Variants in GNA12 observed in about 807,000 individuals in gnomAD.
GNA12 encodes the protein guanine nucleotide-binding protein subunit alpha-12.
In GNA12, 9 loss-of-function variants were observed where a neutral mutation model predicts 26.0. The observed-to-expected ratio is 0.35, with a 90% CI of 0.21 to 0.60. GNA12 has a LOEUF of 0.60. Ranked by LOEUF, GNA12 falls within the 20% of genes least tolerant of loss-of-function variation. The pLI is 0.78. For synonymous variants in GNA12, 264 were observed against 219.6 expected, an observed-to-expected ratio of 1.20 and a Z score of -1.79; for missense variants, 405 against 525.8, an observed-to-expected ratio of 0.77 and a Z score of 2.25.
chr7:2,807,680 G>A (rs979090925), intron 1 of GNA12, among the ~76,000 whole-genome samples: 14 of 151,810 alleles, frequency 9.2e-5, no homozygotes, highest in African/African-American at 4.8e-5. Context: ...TCAAACTTGC[G>A]ATAAGACCAA....
intron 2 of GNA12, among the ~76,000 whole-genome samples, chr7:2,742,438 GGTCT>G (rs1790555419): frequency 6.6e-6 from 1 of 152,098 alleles, no homozygotes; most frequent in African/African-American, 2.4e-5. Flanking sequence ...CATGCTTGCT[GGTCT>G]GTGAGTGACA....
chr7:2,790,759 A>C (rs543247782), intron 2 of GNA12, among the ~76,000 whole-genome samples: 2 of 152,352 alleles, frequency 1.3e-5, no homozygotes, highest in Admixed American at 1.3e-4. Context: ...GCTAGAGCCC[A>C]GGAGTTTGAG....
chr7:2,810,507 C>T (rs533604535), intron 1 of GNA12, among the ~76,000 whole-genome samples: 4 of 152,230 alleles, frequency 2.6e-5, no homozygotes, highest in Non-Finnish European at 5.9e-5. Flanking sequence ...AAAAACCATG[C>T]TACAGCCTTT....
intron 1 of GNA12, among the ~76,000 whole-genome samples, chr7:2,797,571 C>A (rs80149254): frequency 0.021 from 3,255 of 152,000 alleles, 138 homozygotes; most frequent in African/African-American, 0.075. Flanking sequence ...ATCTTCATTT[C>A]TGACACCCAG....
intron 1 of GNA12, among the ~76,000 whole-genome samples, chr7:2,798,519 A>G (rs1053294140): frequency 2.0e-5 from 3 of 152,228 alleles, no homozygotes; most frequent in Admixed American, 2.0e-4. Context: ...TGAGGAAAGA[A>G]ATTTTCAAAA....
At chr7:2,785,981 C>T (rs536162738) in intron 2 of GNA12, among the ~76,000 whole-genome samples, 90 of 152,320 alleles carry the variant, frequency 5.9e-4, no homozygotes, top group Middle Eastern at 6.8e-3. Flanking sequence ...GCAGGACAAT[C>T]GCTTGAACCC....
intron 1 of GNA12, among the ~76,000 whole-genome samples, chr7:2,822,240 A>G (rs902511382): frequency 2.0e-5 from 3 of 152,182 alleles, no homozygotes; most frequent in African/African-American, 7.2e-5. Context: ...TCAACCATAC[A>G]GCGGCAGCGA....
At chr7:2,805,384 C>T (rs1223068276) in intron 1 of GNA12, among the ~76,000 whole-genome samples, 2 of 152,176 alleles carry the variant, frequency 1.3e-5, no homozygotes, top group Non-Finnish European at 2.9e-5. Context: ...CAAGCCTGAC[C>T]GATTTAGTTT....
At chr7:2,763,880 G>T (rs900505227) in intron 2 of GNA12, among the ~76,000 whole-genome samples, 4 of 152,214 alleles carry the variant, frequency 2.6e-5, no homozygotes, top group African/African-American at 9.6e-5. Flanking sequence ...GGGAGACGGA[G>T]AGAGAAGGAG....
intron 1 of GNA12, chr7:2,835,776 T>G: frequency 1.4e-6 from 1 of 734,690 alleles, no homozygotes; most frequent in Admixed American, 1.9e-5. Flanking sequence ...ACGTAGAAGA[T>G]GCTCGTGACG....
At chr7:2,744,269 C>A (rs558809902) in intron 2 of GNA12, among the ~76,000 whole-genome samples, 27 of 152,220 alleles carry the variant, frequency 1.8e-4, no homozygotes, top group Non-Finnish European at 8.8e-5. Context: ...AGGCACCCCC[C>A]AGTAGGGGCG....
intron 2 of GNA12, among the ~76,000 whole-genome samples, chr7:2,778,506 G>T (rs1248142605): frequency 2.0e-5 from 3 of 152,222 alleles, no homozygotes; most frequent in African/African-American, 7.2e-5. Context: ...TAGAGCTGGA[G>T]GCTAAATTGT....
At chr7:2,814,014 G>A (rs1207124891) in intron 1 of GNA12, among the ~76,000 whole-genome samples, 6 of 152,092 alleles carry the variant, frequency 3.9e-5, no homozygotes, top group African/African-American at 9.7e-5. Flanking sequence ...CTGCCTCGCC[G>A]CCGGAGCTTG....
chr7:2,792,513 C>G (rs903787667), intron 2 of GNA12, among the ~76,000 whole-genome samples: 3 of 152,226 alleles, frequency 2.0e-5, no homozygotes, highest in African/African-American at 7.2e-5. Context: ...TACGATCAGC[C>G]CCAGACACTT....
At position 2,728,950 on chromosome 7, in the gene GNA12, G is replaced by A. The variant is rs894478400; in HGVS notation, c.*2231C>T. On this transcript the variant is annotated 3_prime_UTR_variant, in exon 4 of 4. Coordinates refer to ENST00000275364, the MANE Select transcript of GNA12 (RefSeq NM_007353.3). The stretch of plus-strand genomic sequence containing the variant: ...CCCGCGCCGGGGGCCATCCCCCTGC[G>A]CTTTCTATCGAGTTAAACGGACCCC... The A allele has an allele frequency of 2.6e-5, 4 of 152,384 alleles. No individual in the cohort carries two copies. Among genetic ancestry groups the A allele is most frequent in the African/African-American group, 4.8e-5 (2 of 41,462 alleles). 9.4% of individuals were successfully genotyped at this position (152,384 alleles called of 1,614,324 possible). A position where few individuals can be genotyped will look rare whatever the true frequency, so the allele number is the denominator to read the frequency against.
intron 2 of GNA12, among the ~76,000 whole-genome samples, chr7:2,749,668 A>G (rs1459629530): frequency 6.6e-6 from 1 of 152,172 alleles, no homozygotes; most frequent in Non-Finnish European, 1.5e-5. Context: ...TAATAATAAT[A>G]AAATAAAAAA....
intron 1 of GNA12, among the ~76,000 whole-genome samples, chr7:2,800,002 C>A (rs1332735080): frequency 6.6e-6 from 1 of 152,224 alleles, no homozygotes; most frequent in African/African-American, 2.4e-5. Flanking sequence ...AACTCCCATA[C>A]AGCCTAGCAG....
At chr7:2,766,522 A>C (rs542325284) in intron 2 of GNA12, among the ~76,000 whole-genome samples, 1 of 151,822 alleles carries the variant, frequency 6.6e-6, no homozygotes. Context: ...AGTAGCTAGG[A>C]TTACAGGCAC....
At chr7:2,835,127 G>A (rs567270397) in intron 1 of GNA12, among the ~76,000 whole-genome samples, 1 of 152,262 alleles carries the variant, frequency 6.6e-6, no homozygotes, top group South Asian at 2.1e-4. Context: ...ACTTCTAACT[G>A]GATGTGAAAT....
Sources: allele counts gnomAD v4.1 joint callset (sites outside exome capture counted in the v4.1 genomes callset), GRCh38; gene constraint gnomAD v4.1.1; transcripts MANE v1.5; gene names NCBI Gene and HGNC (gene_info 2026-07-23, HGNC 2026-07-21).